AFDN: variants seen among roughly 807,000 people sequenced by gnomAD.
AFDN encodes the protein afadin.
A neutral mutation model predicts 216.6 loss-of-function variants in AFDN; 68 were observed. The ratio of observed to expected loss-of-function variants is 0.31; its 90% CI spans 0.26 to 0.38. The LOEUF is 0.38. Ranked by LOEUF, AFDN falls within the 10% of genes least tolerant of loss-of-function variation. AFDN has a pLI of 1.00. For synonymous variants in AFDN, 868 were observed against 853.7 expected (o/e 1.02, Z -0.29); for missense variants, 2,136 against 2,342.0 (o/e 0.91, Z 1.82).
chr6:167,866,996 A>G (rs1403737606), intron 2 of AFDN, among the ~76,000 whole-genome samples: 1 of 152,226 alleles, frequency 6.6e-6, no homozygotes, highest in Non-Finnish European at 1.5e-5. Flanking sequence ...TGAATTCAGT[A>G]GGAAACATAA....
intron 13 of AFDN, among the ~76,000 whole-genome samples, chr6:167,907,519 T>TTG (rs1789855509): frequency 6.6e-6 from 1 of 152,242 alleles, no homozygotes. Context: ...TAAGAGTACA[T>TTG]TGAATTAAAA....
At chr6:167,829,738 A>G (rs1779625636) in intron 1 of AFDN, among the ~76,000 whole-genome samples, 1 of 151,952 alleles carries the variant, frequency 6.6e-6, no homozygotes, top group Admixed American at 6.5e-5. Flanking sequence ...TTCATTAATC[A>G]TCTATGATTG....
chr6:167,921,826 A>G (rs1029966550), intron 21 of AFDN, among the ~76,000 whole-genome samples: 1 of 152,176 alleles, frequency 6.6e-6, no homozygotes, highest in African/African-American at 2.4e-5. Flanking sequence ...AAAACTAAGT[A>G]AAATTACTTT....
At chr6:167,969,052 T>C in intron 32 of AFDN, 62 bp from the exon 33 acceptor site, 2 of 1,322,188 alleles carry the variant, frequency 1.5e-6, no homozygotes, top group Non-Finnish European at 1.1e-6. Context: ...TGCATCTTTA[T>C]CATGAGTAAA....
Position 167,939,138 on chromosome 6 carries a change from G to T in AFDN, c.3100-3991G>T, listed in dbSNP as rs1794370966. Among the ~76,000 whole-genome samples the T allele has an allele frequency of 2.0e-5, 3 of 152,162 alleles. No individual in the cohort carries two copies. In the South Asian group the frequency reaches 6.2e-4, roughly 32 times the overall value. On this transcript the variant is annotated intron_variant, in intron 23 of 33. Transcript: ENST00000683244. ...TAAAATATATATTTGGTATTTCCTT[G>T]TTTATAATAGTGTCACTAAAAATGC...
At chr6:167,947,791 A>G (rs1007638176) in intron 27 of AFDN, 62 bp from the exon 28 acceptor site, 2 of 1,075,714 alleles carry the variant, frequency 1.9e-6, no homozygotes, top group Non-Finnish European at 2.8e-6. Flanking sequence ...AGGAAATTTC[A>G]TGTTATATAT....
Position 167,971,630 on chromosome 6 carries a change from AGATGCAGATGAAT to A in AFDN, c.*1696_*1708del, listed in dbSNP as rs1298294031. 5 of 193,520 alleles carry A rather than the reference AGATGCAGATGAAT, an allele frequency of 2.6e-5. No homozygotes were observed. The Admixed American group carries it at 3.1e-4, about 12-fold the overall frequency. 12.0% of individuals were successfully genotyped at this position (193,520 alleles called of 1,614,324 possible). A position where few individuals can be genotyped will look rare whatever the true frequency, so the allele number is the denominator to read the frequency against. On this transcript the variant is annotated 3_prime_UTR_variant, in exon 34 of 34. Coordinates refer to ENST00000683244, the MANE Select transcript of AFDN (RefSeq NM_001386888.1). ...GACTAAATCCACACTTTCTTTAAAG[AGATGCAGATGAAT>A]TACTTTTCTGTTAATATATAGAAAA...
chr6:167,856,493 A>G (rs1416222844), intron 1 of AFDN, among the ~76,000 whole-genome samples: 1 of 152,160 alleles, frequency 6.6e-6, no homozygotes, highest in Non-Finnish European at 1.5e-5. Context: ...CTTAGGTACT[A>G]TTAAATTGGT....
chr6:167,860,232 A>T (rs954560124), intron 1 of AFDN, among the ~76,000 whole-genome samples: 1 of 140,650 alleles, frequency 7.1e-6, no homozygotes, highest in Non-Finnish European at 1.5e-5. Flanking sequence ...TGGCTGCAAC[A>T]TATTAGACTA....
At chr6:167,864,392 A>G in intron 1 of AFDN, 159 bp from the exon 2 acceptor site, 2 of 798,388 alleles carry the variant, frequency 2.5e-6, no homozygotes, top group Non-Finnish European at 4.5e-6. Context: ...TCAGAAATGA[A>G]ACTTGAAGAC....
chr6:167,947,572 G>A (rs763932004), intron 27 of AFDN, among the ~76,000 whole-genome samples: 1 of 152,230 alleles, frequency 6.6e-6, no homozygotes, highest in Non-Finnish European at 1.5e-5. Context: ...AAAGCCTAAA[G>A]TATTTACTTT....
intron 32 of AFDN, chr6:167,968,500 T>C (rs1215488381): frequency 6.6e-6 from 1 of 152,430 alleles, no homozygotes; most frequent in African/African-American, 2.4e-5. Context: ...TTTTGTGGCC[T>C]GTTTAATCCA....
At chr6:167,877,304 A>T (rs757380825) in intron 5 of AFDN, among the ~76,000 whole-genome samples, 17 of 152,148 alleles carry the variant, frequency 1.1e-4, no homozygotes, top group Admixed American at 8.5e-4. Flanking sequence ...TGCTGGTAGG[A>T]TATGGGATAT....
In AFDN at chr6:167,954,327, C is replaced by T; in HGVS notation, c.4833+2140C>T. ...TTAGTCTGTAGTTCTTTACCTTTCTCATCAAGTTGTCGAAACACAGATGAC... is the reference window on the plus strand; with the variant it reads ...TTAGTCTGTAGTTCTTTACCTTTCTTATCAAGTTGTCGAAACACAGATGAC... On this transcript the variant is annotated intron_variant, in intron 30 of 33. Coordinates refer to ENST00000683244, the MANE Select transcript of AFDN (RefSeq NM_001386888.1). 4 of 577,942 alleles carry T rather than the reference C, an allele frequency of 6.9e-6. No individual in the cohort carries two copies. In the South Asian group the frequency reaches 1.3e-4, roughly 19 times the overall value. 35.8% of individuals were successfully genotyped at this position (577,942 alleles called of 1,614,324 possible).
At chr6:167,895,009 A>G (rs918173042) in intron 9 of AFDN, among the ~76,000 whole-genome samples, 7 of 151,992 alleles carry the variant, frequency 4.6e-5, no homozygotes, top group Non-Finnish European at 2.9e-5. Context: ...CTGTGACTAT[A>G]TTGCATTCAG....
At chr6:167,900,418 A>G (rs1285749811) in intron 11 of AFDN, among the ~76,000 whole-genome samples, 19 of 152,230 alleles carry the variant, frequency 1.2e-4, no homozygotes, top group Admixed American at 1.2e-3. Context: ...TACAATTATC[A>G]AGTACCCAGG....
rs374542165 is a variant in AFDN, at chr6:167,965,824, C to T, written c.5036C>T (p.Ala1679Val). ...AGGCGCAGACAGCACGACGAGGCGG[C>T]GCGCAGGTTGCTGGAGCCCGAGGCG... ...AERRRQHDEA[A>V]RRLLEPEAPG... Residue 1679 changes from alanine to valine, a missense_variant, in exon 32 of 34, where the codon GCG (alanine) becomes GTG (valine). Physicochemically the swap from Ala to Val is moderately conservative, Grantham distance 64. Transcript: ENST00000683244. The T allele has an allele frequency of 4.2e-5, 65 of 1,559,560 alleles. No homozygotes were observed. The highest frequency in any genetic ancestry group is 7.6e-5 in the Admixed American group (4 of 52,402).
intron 1 of AFDN, among the ~76,000 whole-genome samples, chr6:167,833,290 G>A (rs773338828): frequency 1.3e-5 from 2 of 152,164 alleles, no homozygotes; most frequent in African/African-American, 2.4e-5. Flanking sequence ...TTAGGAAGTC[G>A]TGCCTTGCCT....
chr6:167,846,739 T>C (rs184030411), intron 1 of AFDN, among the ~76,000 whole-genome samples: 2 of 148,672 alleles, frequency 1.3e-5, no homozygotes, highest in East Asian at 4.0e-4. Flanking sequence ...TCAATGTATC[T>C]TAGAGAATCT....
Sources: allele counts gnomAD v4.1 joint callset (sites outside exome capture counted in the v4.1 genomes callset), GRCh38; gene constraint gnomAD v4.1.1; transcripts MANE v1.5; gene names NCBI Gene and HGNC (gene_info 2026-07-23, HGNC 2026-07-21).